HTR3B: variants seen among roughly 807,000 people sequenced by gnomAD.
The protein encoded by HTR3B is 5-hydroxytryptamine receptor 3B, also known as 5-hydroxytryptamine (serotonin) receptor 3B, ionotropic.
In HTR3B, 44 loss-of-function variants were observed where a neutral mutation model predicts 42.8. That is an observed-to-expected ratio of 1.03 (90% confidence interval 0.81 to 1.32). The LOEUF is 1.32. HTR3B is among the 40% of genes most tolerant of loss of function. HTR3B has a pLI of 0.00. For missense variants in HTR3B, 527 were observed against 536.5 expected (o/e 0.98, Z 0.17); for synonymous variants, 203 against 209.0 (o/e 0.97, Z 0.25).
upstream of HTR3B, among the ~76,000 whole-genome samples, chr11:113,902,541 C>T (rs1463379475): frequency 1.3e-5 from 2 of 152,178 alleles, no homozygotes; most frequent in African/African-American, 2.4e-5. Context: ...AGGTGATCTA[C>T]CCACCTAGGT....
rs181374976 is a variant in HTR3B at position 113,927,585 on chromosome 11, C to T, written c.214-3799C>T. 2.9e-3 allele frequency among the ~76,000 whole-genome samples: 434 copies of T among 149,818 alleles called. 5 individuals are homozygous for T. The highest frequency in any genetic ancestry group is 9.5e-3 in the African/African-American group (387 of 40,738). ...TTTCTTTCCTTTTTTTTTTTTGAGA[C>T]AGAGTCTCGCTTTGTTGCCCAGGCT... On this transcript the variant is annotated intron_variant, in intron 2 of 8. Coordinates refer to ENST00000260191, the MANE Select transcript of HTR3B (RefSeq NM_006028.5).
intron 6 of HTR3B, among the ~76,000 whole-genome samples, chr11:113,940,590 C>T (rs1266922412): frequency 3.9e-5 from 6 of 152,200 alleles, no homozygotes; most frequent in African/African-American, 1.4e-4. Flanking sequence ...CAGTGAGTGT[C>T]GCTCTGGTTT....
upstream of HTR3B, among the ~76,000 whole-genome samples, chr11:113,903,428 C>CTTTTTTTT (rs57289369): frequency 8.3e-6 from 1 of 121,102 alleles, no homozygotes; most frequent in Admixed American, 8.8e-5. Flanking sequence ...CTTTTCTTTT[C>CTTTTTTTT]TTTTTTTTTT....
intron 6 of HTR3B, among the ~76,000 whole-genome samples, chr11:113,940,992 T>C (rs1950130618): frequency 6.6e-6 from 1 of 152,216 alleles, no homozygotes. Flanking sequence ...CCCAGCTCTG[T>C]CTCTTACTCA....
Position 113,913,350 on chromosome 11 carries a change from A to ATTTTTTTTTTTTTTTTTT in HTR3B, c.213+3910_213+3927dup, listed in dbSNP as rs71063533. On this transcript the variant is annotated intron_variant, in intron 2 of 8. Coordinates refer to ENST00000260191, the MANE Select transcript of HTR3B (RefSeq NM_006028.5). The stretch of plus-strand genomic sequence containing the variant: ...AGGTGCCTGCCACCATGTCTGGCTA[A>ATTTTTTTTTTTTTTTTTT]TTTTTTTTTTTTTTTTTTTTTTTTT... Among the ~76,000 whole-genome samples, 37 of 61,526 alleles carry ATTTTTTTTTTTTTTTTTT rather than the reference A, an allele frequency of 6.0e-4. 3 individuals are homozygous for ATTTTTTTTTTTTTTTTTT. Among genetic ancestry groups the ATTTTTTTTTTTTTTTTTT allele is most frequent in the African/African-American group, 8.6e-4 (12 of 13,948 alleles). The allele number at this position is 61,526 out of a possible 152,430, so 40.4% of individuals were successfully genotyped here.
At chr11:113,915,962 C>T (rs922042381) in intron 2 of HTR3B, among the ~76,000 whole-genome samples, 1 of 152,196 alleles carries the variant, frequency 6.6e-6, no homozygotes, top group Non-Finnish European at 1.5e-5. Context: ...CCTCAGCCTC[C>T]TGAGTGGCTG....
At chr11:113,907,877 G>C (rs1055803227) in intron 1 of HTR3B, among the ~76,000 whole-genome samples, 3 of 152,134 alleles carry the variant, frequency 2.0e-5, no homozygotes, top group Non-Finnish European at 4.4e-5. Flanking sequence ...AAAAGCACTG[G>C]GACAGCTTTG....
upstream of HTR3B, among the ~76,000 whole-genome samples, chr11:113,903,428 C>CTTTTT (rs57289369): frequency 1.6e-3 from 193 of 121,000 alleles, no homozygotes; most frequent in Middle Eastern, 4.4e-3. Flanking sequence ...CTTTTCTTTT[C>CTTTTT]TTTTTTTTTT....
intron 6 of HTR3B, among the ~76,000 whole-genome samples, chr11:113,935,684 G>A (rs909564407): frequency 6.6e-6 from 1 of 152,100 alleles, no homozygotes; most frequent in African/African-American, 2.4e-5. Context: ...ACAGCCCTTG[G>A]CCAGTGATGT....
At chr11:113,899,028 A>C in the HTR3B span, among the ~76,000 whole-genome samples, 1 of 152,158 alleles carries the variant, frequency 6.6e-6, no homozygotes, top group African/African-American at 2.4e-5. Context: ...AGCAGTAAGG[A>C]GTTTGACCAA....
At chr11:113,913,856 A>G (rs1206035692) in intron 2 of HTR3B, among the ~76,000 whole-genome samples, 1 of 152,018 alleles carries the variant, frequency 6.6e-6, no homozygotes, top group Non-Finnish European at 1.5e-5. Context: ...TGGTATTTGG[A>G]GGTGGGGCCC....
chr11:113,940,370 CA>C (rs1950124903), intron 6 of HTR3B, among the ~76,000 whole-genome samples: 1 of 152,188 alleles, frequency 6.6e-6, no homozygotes, highest in African/African-American at 2.4e-5. Context: ...GCTAGATCAC[CA>C]ATAGCCCAGA....
intron 2 of HTR3B, among the ~76,000 whole-genome samples, chr11:113,930,745 C>T (rs868162395): frequency 1.9e-4 from 29 of 152,066 alleles, no homozygotes; most frequent in Middle Eastern, 3.2e-3. Context: ...CTGTCTTGGC[C>T]TCCAAAAATG....
At chr11:113,930,042 AT>A (rs1399057418) in intron 2 of HTR3B, among the ~76,000 whole-genome samples, 1 of 152,130 alleles carries the variant, frequency 6.6e-6, no homozygotes, top group African/African-American at 2.4e-5. Context: ...GGCCTCGCCC[AT>A]TTTAAAACAG....
chr11:113,934,492 CTAT>C (rs1458922538), intron 6 of HTR3B, among the ~76,000 whole-genome samples: 5 of 152,060 alleles, frequency 3.3e-5, no homozygotes, highest in African/African-American at 7.2e-5. Flanking sequence ...AAGAAAGAAA[CTAT>C]TATTGAGGTT....
intron 2 of HTR3B, 69 bp from the exon 3 acceptor site, chr11:113,931,315 T>G: frequency 9.2e-7 from 1 of 1,090,440 alleles, no homozygotes; most frequent in Non-Finnish European, 1.4e-6. Context: ...TGAATTTCCT[T>G]ACTGCTGAAT....
At chr11:113,944,969 T>C (rs962353200) in intron 8 of HTR3B, among the ~76,000 whole-genome samples, 1 of 152,132 alleles carries the variant, frequency 6.6e-6, no homozygotes, top group African/African-American at 2.4e-5. Context: ...GTTTTTCTGT[T>C]TGTTTTGGTT....
intron 2 of HTR3B, among the ~76,000 whole-genome samples, chr11:113,926,035 C>T (rs1591578530): frequency 6.6e-6 from 1 of 152,134 alleles, no homozygotes; most frequent in Non-Finnish European, 1.5e-5. Flanking sequence ...CATTCCACCC[C>T]CAGCAGCCCT....
rs147366917 is a variant in HTR3B, at chr11:113,942,648, C to T, written c.697-334C>T. Among the ~76,000 whole-genome samples the T allele has an allele frequency of 2.2e-3, 333 of 152,238 alleles. 2 individuals are homozygous for T. The highest frequency in any genetic ancestry group is 7.5e-3 in the African/African-American group (311 of 41,546). On this transcript the variant is annotated intron_variant, in intron 6 of 8. Coordinates refer to ENST00000260191, the MANE Select transcript of HTR3B (RefSeq NM_006028.5). ...CTGTTTGTAAAATGAAGTTGATACC[C>T]AGCCCTTAAAGTTGTGAAGACTGAG...
Sources: allele counts gnomAD v4.1 joint callset (sites outside exome capture counted in the v4.1 genomes callset), GRCh38; gene constraint gnomAD v4.1.1; transcripts MANE v1.5; gene names NCBI Gene and HGNC (gene_info 2026-07-23, HGNC 2026-07-21).